ENTPD4: variants seen among roughly 807,000 people sequenced by gnomAD.
ENTPD4 encodes Golgi UDPase.
Under a neutral mutation model 79.1 loss-of-function variants are expected in ENTPD4, and 60 were observed. The ratio of observed to expected loss-of-function variants is 0.76; its 90% CI spans 0.62 to 0.94. The LOEUF (loss-of-function observed/expected upper bound fraction) is 0.94. Ranked by LOEUF, ENTPD4 falls within the 40% of genes least tolerant of loss-of-function variation. ENTPD4 has a pLI of 0.00. For missense variants in ENTPD4, 772 were observed against 775.1 expected, an observed-to-expected ratio of 1.00 and a Z score of 0.05; for synonymous variants, 276 against 292.0, an observed-to-expected ratio of 0.95 and a Z score of 0.56.
In ENTPD4 at chr8:23,434,336, T is replaced by A. The variant is rs547006808; in HGVS notation, c.1603A>T (p.Thr535Ser). ...QWTLGAILYR[T>S]RFLPLRDIQQ... ...CCCTACCTTAATGGTAGAAAGCGGG[T>A]CCTGTAGAGGATGGCTCCAAGGGTC... Residue 535 changes from threonine to serine, a missense_variant, in exon 12 of 13, where the codon ACC becomes TCC. Thr to Ser is a moderately conservative substitution (Grantham distance 58). Transcript: ENST00000358689. 1 of 1,614,040 alleles carries A rather than the reference T, an allele frequency of 6.2e-7. No individual in the cohort carries two copies. Among genetic ancestry groups the A allele is most frequent in the African/African-American group, 1.3e-5 (1 of 74,930 alleles).
intron 12 of ENTPD4, chr8:23,434,035 G>A (rs1800509512): frequency 2.4e-6 from 1 of 412,352 alleles, no homozygotes; most frequent in South Asian, 4.5e-5. Flanking sequence ...AAGAACCCCG[G>A]AACTGACCCT....
At chr8:23,436,055 G>A (rs1331588723) in intron 10 of ENTPD4, among the ~76,000 whole-genome samples, 1 of 152,184 alleles carries the variant, frequency 6.6e-6, no homozygotes, top group Non-Finnish European at 1.5e-5. Context: ...GTGGGAGATG[G>A]GCCTGGGTGT....
Position 23,431,488 on chromosome 8 carries a change from C to T in ENTPD4, c.*1438G>A. 1.0e-6 allele frequency: 1 copy of T among 985,382 alleles called. No homozygotes were observed. Among genetic ancestry groups the T allele is most frequent in the South Asian group, 4.7e-5 (1 of 21,284 alleles). 61.0% of individuals were successfully genotyped at this position (985,382 alleles called of 1,614,324 possible). ...ATCTCACATATGCCAATCCAATTGT[C>T]CTTTTTAGATTTTGGCTTAAATTGT... is the stretch of plus-strand genomic sequence containing the variant. On this transcript the variant is annotated 3_prime_UTR_variant, in exon 13 of 13. Coordinates refer to ENST00000358689, the MANE Select transcript of ENTPD4 (RefSeq NM_004901.5).
At chr8:23,454,304 T>C (rs990587715) in intron 1 of ENTPD4, among the ~76,000 whole-genome samples, 36 of 152,318 alleles carry the variant, frequency 2.4e-4, no homozygotes, top group African/African-American at 8.4e-4. Flanking sequence ...AGTTGTGTGA[T>C]AGCTGAACTG....
rs146708131 is a variant in ENTPD4, at chr8:23,442,277, A to G, written c.668-211T>C. 2.6e-5 allele frequency among the ~76,000 whole-genome samples: 4 copies of G among 152,310 alleles called. No individual in the cohort carries two copies. The East Asian group carries it at 7.7e-4, about 29-fold the overall frequency. Reference sequence around the variant, plus strand: ...TAATGTTTATAGTTTTATACCATCTACACAGGTTGGAAATACAATACGCTA... The same window carrying G: ...TAATGTTTATAGTTTTATACCATCTGCACAGGTTGGAAATACAATACGCTA... On this transcript the variant is annotated intron_variant, in intron 6 of 12. Coordinates refer to ENST00000358689, the MANE Select transcript of ENTPD4 (RefSeq NM_004901.5).
intron 2 of ENTPD4, 103 bp downstream of exon 2, chr8:23,449,790 C>T (rs1240878560): frequency 5.8e-6 from 6 of 1,043,408 alleles, no homozygotes; most frequent in Non-Finnish European, 7.6e-6. Context: ...AAGCACAGCA[C>T]AACTTCACAT....
chr8:23,437,377 G>T, intron 9 of ENTPD4, 119 bp from the exon 10 acceptor site: 1 of 701,274 alleles, frequency 1.4e-6, no homozygotes, highest in Non-Finnish European at 2.4e-6. Context: ...GCAGGACCGT[G>T]TCTGTGGAAC....
Position 23,441,470 on chromosome 8 carries a change from A to G in ENTPD4, c.882+99T>C. ...TGAGAGGCGGCACCTCAGCCAGCAC[A>G]GTAAAGATGTGTTCAGACTCAGAAA... On this transcript the variant is annotated intron_variant, in intron 8 of 12. Transcript: ENST00000358689. The G allele has an allele frequency of 3.3e-6, 5 of 1,537,176 alleles. No homozygotes were observed. In the South Asian group the frequency reaches 5.1e-5, roughly 16 times the overall value.
chr8:23,455,643 G>A (rs946319941), intron 1 of ENTPD4, among the ~76,000 whole-genome samples: 1 of 151,816 alleles, frequency 6.6e-6, no homozygotes, highest in Non-Finnish European at 1.5e-5. Context: ...CAAAATTCTG[G>A]TTCCCATTTT....
chr8:23,447,745 T>C lies in ENTPD4; in HGVS notation c.347A>G (p.Asp116Gly), dbSNP rs1800786785. ...CWPRHNGNPH[D>G]LLDIRQMRDK... ...CCTCATTTGCCTGATATCCAACAGA[T>C]CATGTGGATTGCCATTATGCCTTGG... is the stretch of plus-strand genomic sequence containing the variant. The change falls in exon 4 of 13, where the codon GAT (aspartate) becomes GGT (glycine). Residue 116 changes from aspartate (D) to glycine (G), a missense_variant. Physicochemically the swap from Asp to Gly is moderately conservative, Grantham distance 94. Transcript: ENST00000358689. The C allele has an allele frequency of 1.9e-6, 3 of 1,614,026 alleles. No individual in the cohort carries two copies. In the African/African-American group the frequency reaches 4.0e-5, roughly 22 times the overall value.
At chr8:23,442,512 C>T (rs561121631) in intron 6 of ENTPD4, among the ~76,000 whole-genome samples, 13 of 151,936 alleles carry the variant, frequency 8.6e-5, no homozygotes, top group African/African-American at 3.1e-4. Context: ...GGTGAAACCC[C>T]GTCTCTACTA....
chr8:23,455,508 A>T (rs1406375856), intron 1 of ENTPD4, among the ~76,000 whole-genome samples: 1 of 152,224 alleles, frequency 6.6e-6, no homozygotes, highest in Admixed American at 6.5e-5. Flanking sequence ...AGACAACTTG[A>T]TTCATTCTTT....
chr8:23,430,234 C>CAA lies in ENTPD4; in HGVS notation c.*2691_*2692insTT. ...GATTTGCTGCGACTGCAGACATCTC[C>CAA]ATACGGCATAATGAACTCCCTTGAG... On this transcript the variant is annotated 3_prime_UTR_variant, in exon 13 of 13. Coordinates refer to ENST00000358689, the MANE Select transcript of ENTPD4 (RefSeq NM_004901.5). 1.0e-6 allele frequency: 1 copy of CAA among 985,456 alleles called. No individual in the cohort carries two copies. The highest frequency in any genetic ancestry group is 1.2e-6 in the Non-Finnish European group (1 of 829,948). 61.0% of individuals were successfully genotyped at this position (985,456 alleles called of 1,614,324 possible).
intron 4 of ENTPD4, among the ~76,000 whole-genome samples, chr8:23,445,085 T>G (rs1424812708): frequency 6.6e-6 from 1 of 152,148 alleles, no homozygotes; most frequent in East Asian, 1.9e-4. Flanking sequence ...AACTCAACTT[T>G]CACTACAAAC....
chr8:23,453,880 C>T (rs1800908404), intron 1 of ENTPD4, among the ~76,000 whole-genome samples: 1 of 152,116 alleles, frequency 6.6e-6, no homozygotes, highest in Non-Finnish European at 1.5e-5. Flanking sequence ...TACTAATGTC[C>T]ACTGTGGGGT....
chr8:23,444,029 A>G (rs535909984), intron 5 of ENTPD4, 76 bp from the exon 6 acceptor site: 1 of 1,019,994 alleles, frequency 9.8e-7, no homozygotes, highest in East Asian at 2.5e-5. Flanking sequence ...GAAAAAAATA[A>G]ACAAACAAAA....
chr8:23,452,950 A>G (rs1194335312), intron 1 of ENTPD4, among the ~76,000 whole-genome samples: 1 of 152,236 alleles, frequency 6.6e-6, no homozygotes, highest in Non-Finnish European at 1.5e-5. Flanking sequence ...CCACTAGGGC[A>G]GGGACAGCCT....
In ENTPD4 at chr8:23,435,401, TGGA is replaced by T; in HGVS notation, c.1448_1450del (p.Leu483del). ...ACCTTCTAGTACTTACTTAAGCCTG[TGGA>T]GGTCAGCATGAGAGGCGTACAGTCC... On this transcript the variant is annotated inframe_deletion, in exon 11 of 13. Transcript: ENST00000358689. 6.2e-7 allele frequency: 1 copy of T among 1,612,782 alleles called. No individual in the cohort carries two copies. Among genetic ancestry groups the T allele is most frequent in the South Asian group, 1.1e-5 (1 of 91,002 alleles).
chr8:23,435,570 C>T, intron 10 of ENTPD4, 93 bp from the exon 11 acceptor site: 3 of 843,364 alleles, frequency 3.6e-6, no homozygotes, highest in Non-Finnish European at 5.9e-6. Flanking sequence ...TTGTAACAAG[C>T]ATATCCTTCC....
Sources: allele counts gnomAD v4.1 joint callset (sites outside exome capture counted in the v4.1 genomes callset), GRCh38; gene constraint gnomAD v4.1.1; transcripts MANE v1.5; gene names NCBI Gene and HGNC (gene_info 2026-07-23, HGNC 2026-07-21).